The following RBFOX1 variants were observed in gnomAD, a reference collection of about 807,000 sequenced individuals.
RBFOX1 encodes RNA binding protein fox-1 homolog 1.
In RBFOX1, 8 loss-of-function variants were observed where a neutral mutation model predicts 57.7. That is an observed-to-expected ratio of 0.14 (90% CI 0.08 to 0.25). RBFOX1 has a LOEUF of 0.25. Ranked by LOEUF, RBFOX1 falls within the 10% of genes least tolerant of loss-of-function variation. The pLI is 1.00. For missense variants in RBFOX1, 611 were observed against 548.5 expected (o/e 1.11, Z -1.14); for synonymous variants, 326 against 222.4 (o/e 1.47, Z -4.15).
At chr16:5,298,307 C>T (rs534840149) in intron 1 of RBFOX1, among the ~76,000 whole-genome samples, 3 of 152,158 alleles carry the variant, frequency 2.0e-5, no homozygotes, top group African/African-American at 7.2e-5. Context: ...AGAGGTGTAA[C>T]AAGAGACTGT....
chr16:7,312,395 C>T (rs1010059646), intron 4 of RBFOX1, among the ~76,000 whole-genome samples: 28 of 152,258 alleles, frequency 1.8e-4, no homozygotes, highest in African/African-American at 6.7e-4. Flanking sequence ...GCAGCAACAA[C>T]AACAATGAAA....
chr16:5,740,787 A>T (rs148436893), intron 3 of RBFOX1, among the ~76,000 whole-genome samples: 1 of 152,220 alleles, frequency 6.6e-6, no homozygotes, highest in African/African-American at 2.4e-5. Flanking sequence ...GCAGAAAAGA[A>T]TGTTTCTTTT....
intron 1 of RBFOX1, among the ~76,000 whole-genome samples, chr16:6,123,173 A>T (rs924523977): frequency 6.6e-6 from 1 of 152,206 alleles, no homozygotes; most frequent in African/African-American, 2.4e-5. Flanking sequence ...AGGAACTGAA[A>T]ATAGAATCTT....
intron 1 of RBFOX1, among the ~76,000 whole-genome samples, chr16:6,195,478 G>A (rs1363652160): frequency 6.6e-6 from 1 of 152,208 alleles, no homozygotes; most frequent in African/African-American, 2.4e-5. Flanking sequence ...AGGACTTTGA[G>A]AGGCCAAGGC....
intron 2 of RBFOX1, among the ~76,000 whole-genome samples, chr16:5,582,282 AC>A (rs1290382489): frequency 6.6e-6 from 1 of 152,104 alleles, no homozygotes; most frequent in Non-Finnish European, 1.5e-5. Context: ...ACGGGCCTTC[AC>A]AGCAAGCTGA....
chr16:6,372,907 C>G (rs8061381), intron 2 of RBFOX1, among the ~76,000 whole-genome samples: 14 of 130,240 alleles, frequency 1.1e-4, no homozygotes, highest in South Asian at 4.6e-4. Context: ...TGGATGGAAG[C>G]GTAGTTGGTT....
At chr16:6,602,096 T>A (rs184307240) in intron 2 of RBFOX1, among the ~76,000 whole-genome samples, 1 of 152,312 alleles carries the variant, frequency 6.6e-6, no homozygotes, top group Admixed American at 6.5e-5. Flanking sequence ...CCTAAGTTGT[T>A]TATTGGCCAT....
intron 3 of RBFOX1, among the ~76,000 whole-genome samples, chr16:5,806,899 G>C (rs1433958821): frequency 6.6e-6 from 1 of 152,140 alleles, no homozygotes; most frequent in African/African-American, 2.4e-5. Context: ...AAACCTCTCA[G>C]AGCCACTTAC....
chr16:5,551,101 C>T, intron 2 of RBFOX1, among the ~76,000 whole-genome samples: 1 of 152,266 alleles, frequency 6.6e-6, no homozygotes, highest in South Asian at 2.1e-4. Flanking sequence ...GGAGGTTTCT[C>T]CTGCCACTCT....
intron 1 of RBFOX1, among the ~76,000 whole-genome samples, chr16:6,172,395 G>A (rs146353518): frequency 9.1e-4 from 139 of 152,266 alleles, no homozygotes; most frequent in Middle Eastern, 3.4e-3. Context: ...TTCATCTCTC[G>A]TTTACAGTTC....
intron 2 of RBFOX1, among the ~76,000 whole-genome samples, chr16:6,619,426 A>T (rs1746358081): frequency 6.6e-6 from 1 of 152,162 alleles, no homozygotes; most frequent in Non-Finnish European, 1.5e-5. Flanking sequence ...TTTTTCTGCA[A>T]ACTCATTTGT....
intron 3 of RBFOX1, among the ~76,000 whole-genome samples, chr16:7,035,266 C>T (rs144036888): frequency 1.1e-4 from 17 of 152,078 alleles, no homozygotes; most frequent in Middle Eastern, 3.4e-3. Flanking sequence ...CTTGGGATTC[C>T]GCACCCTCCC....
intron 3 of RBFOX1, among the ~76,000 whole-genome samples, chr16:5,763,156 C>A (rs1056934242): frequency 6.6e-6 from 1 of 152,192 alleles, no homozygotes; most frequent in African/African-American, 2.4e-5. Flanking sequence ...GGGCATCTGG[C>A]TGGATTAGAA....
intron 4 of RBFOX1, among the ~76,000 whole-genome samples, chr16:7,354,857 T>C (rs1026744041): frequency 6.6e-6 from 1 of 152,222 alleles, no homozygotes; most frequent in Admixed American, 6.5e-5. Flanking sequence ...ATTCATTTTA[T>C]TGCTAAAAGT....
intron 4 of RBFOX1, among the ~76,000 whole-genome samples, chr16:7,147,541 C>T (rs117030857): frequency 0.028 from 4,256 of 152,174 alleles, 84 homozygotes; most frequent in Non-Finnish European, 0.042. Flanking sequence ...CAATGGTTAG[C>T]TCCCACTTAC....
intron 2 of RBFOX1, among the ~76,000 whole-genome samples, chr16:6,587,147 A>T (rs2097638765): frequency 6.6e-6 from 1 of 151,772 alleles, no homozygotes; most frequent in Admixed American, 6.6e-5. Context: ...ATCTAACTGA[A>T]TTTTTTTTAT....
chr16:6,869,654 G>C (rs1460492946), intron 3 of RBFOX1, among the ~76,000 whole-genome samples: 1 of 152,140 alleles, frequency 6.6e-6, no homozygotes, highest in Non-Finnish European at 1.5e-5. Context: ...GTTAGAACTA[G>C]GATTTTTACC....
chr16:7,127,445 G>A (rs2068895559), intron 4 of RBFOX1, among the ~76,000 whole-genome samples: 1 of 152,170 alleles, frequency 6.6e-6, no homozygotes. Context: ...ATACTGTTAT[G>A]TCAAGGTAGG....
intron 1 of RBFOX1, among the ~76,000 whole-genome samples, chr16:5,277,028 C>T (rs1346490715): frequency 1.3e-5 from 2 of 152,250 alleles, no homozygotes; most frequent in Non-Finnish European, 2.9e-5. Context: ...ATTTGCAAAA[C>T]TATAGAACCA....
Sources: gnomAD v4.1 joint callset for allele counts (sites outside exome capture counted in the v4.1 genomes callset) on GRCh38, gnomAD v4.1.1 for gene constraint, MANE v1.5 for transcripts, NCBI Gene and HGNC (gene_info 2026-07-23, HGNC 2026-07-21) for gene names.